The following SHCBP1 variants were observed in gnomAD, a reference collection of about 807,000 sequenced individuals.
The protein encoded by SHCBP1 is SHC binding and spindle associated 1, also known as SHC SH2 domain-binding protein 1.
A neutral mutation model predicts 75.1 loss-of-function variants in SHCBP1; 60 were observed. The observed-to-expected ratio is 0.80, with a 90% CI of 0.65 to 0.99. The LOEUF (loss-of-function observed/expected upper bound fraction) is 0.99. Ranked by LOEUF, SHCBP1 falls within the 50% of genes least tolerant of loss-of-function variation. The pLI is 0.00. For synonymous variants in SHCBP1, 290 were observed against 293.2 expected (o/e 0.99, Z 0.11); for missense variants, 709 against 809.4 (o/e 0.88, Z 1.50).
intron 9 of SHCBP1, among the ~76,000 whole-genome samples, chr16:46,598,152 T>C (rs999959869): frequency 6.6e-6 from 1 of 152,196 alleles, no homozygotes; most frequent in African/African-American, 2.4e-5. Flanking sequence ...CCTGTTAATG[T>C]TGAGATTTTA....
chr16:46,593,982 C>T (rs1965092763), intron 10 of SHCBP1, among the ~76,000 whole-genome samples: 1 of 151,942 alleles, frequency 6.6e-6, no homozygotes, highest in Admixed American at 6.6e-5. Flanking sequence ...ATCACTCTAC[C>T]TGATTTTAAG....
chr16:46,599,473 T>A (rs957616283), intron 9 of SHCBP1, among the ~76,000 whole-genome samples: 3 of 151,946 alleles, frequency 2.0e-5, no homozygotes, highest in Non-Finnish European at 4.4e-5. Context: ...AAGTTCACCA[T>A]CTTTTATGGA....
In SHCBP1 at chr16:46,585,231, T is replaced by C. The variant is rs916341491; in HGVS notation, c.1465-1142A>G. Among the ~76,000 whole-genome samples, 4 of 152,312 alleles carry C rather than the reference T, an allele frequency of 2.6e-5. No individual in the cohort carries two copies. The East Asian group carries it at 5.8e-4, about 22-fold the overall frequency. On this transcript the variant is annotated intron_variant, in intron 10 of 12. Transcript: ENST00000303383. ...TGAAAGTCATATTCAAAATATGTTATGAAAAGGAACAGATAATTTGGCAAT... is the reference window on the plus strand; with the variant it reads ...TGAAAGTCATATTCAAAATATGTTACGAAAAGGAACAGATAATTTGGCAAT...
chr16:46,601,068 G>C (rs1393295040), intron 8 of SHCBP1, among the ~76,000 whole-genome samples: 1 of 151,838 alleles, frequency 6.6e-6, no homozygotes, highest in African/African-American at 2.4e-5. Context: ...TAGCACTTTG[G>C]GAGGCCAGGG....
intron 8 of SHCBP1, 65 bp downstream of exon 8, chr16:46,603,474 G>C (rs934033417): frequency 7.5e-6 from 12 of 1,593,640 alleles, no homozygotes; most frequent in Admixed American, 1.7e-5. Flanking sequence ...CAACAAGATT[G>C]GTGATTTATT....
rs762780620 is a variant in SHCBP1, at chr16:46,618,280, A to G, written c.196T>C (p.Phe66Leu). Reference sequence around the variant, plus strand: ...TTTGTTTGGAAAATTTCTGGGAAAAAGGTTTTTCCTTCTGGCATAAAACTT... The same window carrying G: ...TTTGTTTGGAAAATTTCTGGGAAAAGGGTTTTTCCTTCTGGCATAAAACTT... Reference protein sequence around the residue: ...LQSFMPEGKTFFPEIFQTNQL... With the variant: ...LQSFMPEGKTLFPEIFQTNQL... Residue 66 changes from phenylalanine to leucine, a missense_variant, in exon 2 of 13, where the codon TTT (phenylalanine) becomes CTT (leucine). Transcript: ENST00000303383. 2.5e-6 allele frequency: 4 copies of G among 1,613,826 alleles called. No individual in the cohort carries two copies. The East Asian group carries it at 6.7e-5, about 27-fold the overall frequency.
At chr16:46,591,107 A>G (rs1452879526) in intron 10 of SHCBP1, among the ~76,000 whole-genome samples, 1 of 152,156 alleles carries the variant, frequency 6.6e-6, no homozygotes, top group Non-Finnish European at 1.5e-5. Flanking sequence ...CATAGGTGGG[A>G]ATTGAACAAT....
At chr16:46,609,758 A>G (rs746576991) in intron 4 of SHCBP1, among the ~76,000 whole-genome samples, 1 of 151,998 alleles carries the variant, frequency 6.6e-6, no homozygotes, top group Non-Finnish European at 1.5e-5. Flanking sequence ...AGTTGTATCC[A>G]TATTTTTTTA....
intron 8 of SHCBP1, among the ~76,000 whole-genome samples, chr16:46,602,652 A>G (rs1173979061): frequency 1.3e-5 from 2 of 152,176 alleles, no homozygotes; most frequent in African/African-American, 4.8e-5. Flanking sequence ...TTTTTTTTAG[A>G]CAGAGTCTTG....
intron 9 of SHCBP1, among the ~76,000 whole-genome samples, chr16:46,598,189 C>A (rs1432230214): frequency 6.6e-6 from 1 of 152,178 alleles, no homozygotes; most frequent in African/African-American, 2.4e-5. Flanking sequence ...CACAAATGTT[C>A]TTAATGACAT....
In SHCBP1 at chr16:46,599,826, C is replaced by T; in HGVS notation, c.1345+5G>A. 1.3e-6 allele frequency: 2 copies of T among 1,597,026 alleles called. No homozygotes were observed. The highest frequency in any genetic ancestry group is 1.7e-6 in the Non-Finnish European group (2 of 1,174,174). On this transcript the variant is annotated splice_donor_5th_base_variant and intron_variant, in intron 9 of 12. Transcript: ENST00000303383. The stretch of plus-strand genomic sequence containing the variant: ...AAATGATATACCAAACATTCAGATA[C>T]TTACTTAAGATTCCCTCTACAGCAT...
chr16:46,617,567 G>A, intron 3 of SHCBP1, 67 bp downstream of exon 3: 2 of 1,195,028 alleles, frequency 1.7e-6, no homozygotes, highest in Non-Finnish European at 2.4e-6. Flanking sequence ...AAGCACTTTG[G>A]ATATAACAGT....
chr16:46,587,296 G>GAGATATTC (rs1964968658), intron 10 of SHCBP1, among the ~76,000 whole-genome samples: 2 of 151,854 alleles, frequency 1.3e-5, no homozygotes, highest in East Asian at 3.9e-4. Context: ...GTTATATGAA[G>GAGATATTC]AGATATTCTC....
chr16:46,584,131 A>G (rs1165653336), intron 10 of SHCBP1, 42 bp from the exon 11 acceptor site: 1 of 1,419,336 alleles, frequency 7.0e-7, no homozygotes, highest in Non-Finnish European at 9.7e-7. Flanking sequence ...AGTTTTTAAA[A>G]GGCAAGACTA....
chr16:46,621,120 C>A, intron 1 of SHCBP1, 137 bp downstream of exon 1: 1 of 717,726 alleles, frequency 1.4e-6, no homozygotes, highest in Non-Finnish European at 2.2e-6. Context: ...GTCACTGGGT[C>A]CCGGCCGCGC....
In SHCBP1 at chr16:46,604,341, A is replaced by G; in HGVS notation, c.810T>C (p.Asn270=). ...TTTCCTGCTCGGAATCAGAGTTACAATTTGACAAACTGCTTCTCAGATTTA... is the reference window on the plus strand; with the variant it reads ...TTTCCTGCTCGGAATCAGAGTTACAGTTTGACAAACTGCTTCTCAGATTTA... The part of the protein sequence containing the change: ...KFLNLRSSLS[N]CNSDSEQENI... Residue 270 remains asparagine (N), a synonymous_variant, in exon 6 of 13, where the codon AAT becomes AAC. Coordinates refer to ENST00000303383, the MANE Select transcript of SHCBP1 (RefSeq NM_024745.5). 2 of 1,614,188 alleles carry G rather than the reference A, an allele frequency of 1.2e-6. No individual in the cohort carries two copies. The highest frequency in any genetic ancestry group is 1.7e-6 in the Non-Finnish European group (2 of 1,180,016).
chr16:46,586,273 T>G (rs1048861622), intron 10 of SHCBP1, among the ~76,000 whole-genome samples: 11 of 152,098 alleles, frequency 7.2e-5, no homozygotes, highest in African/African-American at 2.4e-4. Flanking sequence ...AAGTAGATGA[T>G]ATAAAGAACC....
chr16:46,583,804 A>AATGGGATC, intron 11 of SHCBP1, 147 bp from the exon 12 acceptor site: 1 of 1,034,746 alleles, frequency 9.7e-7, no homozygotes. Context: ...CCTTAGTGAC[A>AATGGGATC]CAGCTTTCCT....
rs760485107 is a variant in SHCBP1 at position 46,592,638 on chromosome 16, G to A, written c.1464+2914C>T. 3.0e-4 allele frequency among the ~76,000 whole-genome samples: 46 copies of A among 151,854 alleles called. 1 individual carries two copies. The highest frequency in any genetic ancestry group is 1.2e-3 in the East Asian group (6 of 5,186). ...GATAATAGAACCAGACAAAGACAGT[G>A]GCACAGAAAACCAAAACTAGAGTCC... On this transcript the variant is annotated intron_variant, in intron 10 of 12. Coordinates refer to ENST00000303383, the MANE Select transcript of SHCBP1 (RefSeq NM_024745.5).
Sources: gnomAD v4.1 joint callset for allele counts (sites outside exome capture counted in the v4.1 genomes callset) on GRCh38, gnomAD v4.1.1 for gene constraint, MANE v1.5 for transcripts, NCBI Gene and HGNC (gene_info 2026-07-23, HGNC 2026-07-21) for gene names.